RAB11FIP3: variants seen among roughly 807,000 people sequenced by gnomAD.
The protein encoded by RAB11FIP3 is RAB11 family interacting protein 3.
In RAB11FIP3, 17 loss-of-function variants were observed where a neutral mutation model predicts 77.8. The ratio of observed to expected loss-of-function variants is 0.22; its 90% CI spans 0.15 to 0.33. The LOEUF (loss-of-function observed/expected upper bound fraction) is 0.33, where lower values mean the gene tolerates loss of function less well. Ranked by LOEUF, RAB11FIP3 falls within the 10% of genes least tolerant of loss-of-function variation. RAB11FIP3 has a pLI of 1.00. For missense variants in RAB11FIP3, 1,005 were observed against 1,011.2 expected, an observed-to-expected ratio of 0.99 and a Z score of 0.08; for synonymous variants, 437 against 448.2, an observed-to-expected ratio of 0.98 and a Z score of 0.31.
chr16:465,880 C>T (rs1253848156), intron 2 of RAB11FIP3, among the ~76,000 whole-genome samples: 3 of 152,200 alleles, frequency 2.0e-5, no homozygotes, highest in Admixed American at 6.5e-5. Flanking sequence ...GCTGGGATTA[C>T]AGACGTGAGC....
At chr16:431,663 C>T (rs2055039018) in intron 1 of RAB11FIP3, among the ~76,000 whole-genome samples, 2 of 152,112 alleles carry the variant, frequency 1.3e-5, no homozygotes, top group African/African-American at 4.8e-5. Context: ...ATGTGAGCCA[C>T]CGCACCTGGC....
rs549406937 is a variant in RAB11FIP3 at position 508,000 on chromosome 16, T to C, written c.1499+2373T>C. Among the ~76,000 whole-genome samples, 55 of 152,364 alleles carry C rather than the reference T, an allele frequency of 3.6e-4. No homozygotes were observed. The highest frequency in any genetic ancestry group is 2.9e-3 in the South Asian group (14 of 4,830). The stretch of plus-strand genomic sequence containing the variant: ...TAGGAATTCCGAGTGCTTTCTCCTG[T>C]GTTTGATTCCTTATTTTCTGGGTCC... On this transcript the variant is annotated intron_variant, in intron 8 of 13. Transcript: ENST00000262305. This position sits in a 1 kb window ranked among gnomAD's most constrained non-coding sequence, Gnocchi z 4.6.
At chr16:484,582 G>GGCGATCCGCCCGCCTCGGCCTCCCCCTGA (rs2056114200) in intron 4 of RAB11FIP3, among the ~76,000 whole-genome samples, 1 of 151,964 alleles carries the variant, frequency 6.6e-6, no homozygotes, top group African/African-American at 2.4e-5. Flanking sequence ...CCAACCCCTG[G>GGCGATCCGCCCGCCTCGGCCTCCCCCTGA]CCTCAGGCGA....
At chr16:455,624 T>A (rs1238551535) in intron 1 of RAB11FIP3, among the ~76,000 whole-genome samples, 1 of 152,010 alleles carries the variant, frequency 6.6e-6, no homozygotes, top group East Asian at 1.9e-4. Flanking sequence ...GGAGATAGGG[T>A]CTCACTCTGT....
At chr16:446,614 G>A (rs569457766) in intron 1 of RAB11FIP3, among the ~76,000 whole-genome samples, 1 of 152,218 alleles carries the variant, frequency 6.6e-6, no homozygotes, top group African/African-American at 2.4e-5. Context: ...GTGTCCTACA[G>A]AGACATGTTG....
At chr16:488,711 CT>C (rs3079539) in intron 4 of RAB11FIP3, 139 bp from the exon 5 acceptor site, 32,481 of 570,170 alleles carry the variant, frequency 0.057, no homozygotes, top group South Asian at 0.11. Context: ...ATCCAGCCCA[CT>C]TTTTTTTTTT....
At chr16:447,281 G>A (rs575919462) in intron 1 of RAB11FIP3, among the ~76,000 whole-genome samples, 1 of 152,160 alleles carries the variant, frequency 6.6e-6, no homozygotes, top group South Asian at 2.1e-4. Flanking sequence ...CTCTAGCCTG[G>A]GCAGTAGAGT....
intron 1 of RAB11FIP3, among the ~76,000 whole-genome samples, chr16:455,851 A>C (rs2055494844): frequency 6.6e-6 from 1 of 152,296 alleles, no homozygotes; most frequent in African/African-American, 2.4e-5. Flanking sequence ...TTGGCATTTC[A>C]AAATGCTGGA....
Position 426,183 on chromosome 16 carries a change from G to T in RAB11FIP3, c.177G>T (p.Ala59=). 1 of 1,016,006 alleles carries T rather than the reference G, an allele frequency of 9.8e-7. No individual in the cohort carries two copies. The highest frequency in any genetic ancestry group is 1.2e-6 in the Non-Finnish European group (1 of 851,916). 62.9% of individuals were successfully genotyped at this position (1,016,006 alleles called of 1,614,324 possible). Residue 59 remains alanine (A), a synonymous_variant, in exon 1 of 14, where the codon GCG becomes GCT. Coordinates refer to ENST00000262305, the MANE Select transcript of RAB11FIP3 (RefSeq NM_014700.4). This position sits in a 1 kb window ranked among gnomAD's most constrained non-coding sequence, Gnocchi z 5.0. ...AGTCCCCGGGCCTGGATGAGCCTGC[G>T]CCCGGGGCCGCTGCAGATGGCGGGG... ...DPQSPGLDEP[A]PGAAADGGAR... is the part of the protein sequence containing the mutation.
At chr16:440,763 G>C (rs2055211528) in intron 1 of RAB11FIP3, among the ~76,000 whole-genome samples, 1 of 152,180 alleles carries the variant, frequency 6.6e-6, no homozygotes, top group African/African-American at 2.4e-5. Flanking sequence ...CAGCCATGCT[G>C]GGGGATCAGG....
Position 482,603 on chromosome 16 carries a change from A to G in RAB11FIP3, c.982A>G (p.Thr328Ala). The change falls in exon 4 of 14, where the codon ACC becomes GCC. Residue 328 changes from threonine (T) to alanine (A), a missense_variant. Thr to Ala is a moderately conservative substitution (Grantham distance 58). This residue lies in a region of RAB11FIP3 where 433 missense variants were observed against 436.1 expected (regional missense o/e 0.99). Coordinates refer to ENST00000262305, the MANE Select transcript of RAB11FIP3 (RefSeq NM_014700.4). ...GTGTGAGACCTTCACGGACGAGGAC[A>G]CCAGCACCCTGGTGCACCCTGAGCT... ...SECETFTDED[T>A]STLVHPELQP... is the part of the protein sequence containing the mutation. 6.2e-7 allele frequency: 1 copy of G among 1,613,592 alleles called. No homozygotes were observed. The highest frequency in any genetic ancestry group is 2.2e-5 in the East Asian group (1 of 44,880).
chr16:483,873 G>T (rs999622209), intron 4 of RAB11FIP3, among the ~76,000 whole-genome samples: 1 of 151,938 alleles, frequency 6.6e-6, no homozygotes, highest in African/African-American at 2.4e-5. Context: ...GAAGATCTTC[G>T]CATCTGCTTT....
chr16:449,876 G>A (rs962890124), intron 1 of RAB11FIP3, among the ~76,000 whole-genome samples: 7 of 121,678 alleles, frequency 5.8e-5, no homozygotes, highest in East Asian at 2.2e-4. Flanking sequence ...GTTTGAACCC[G>A]GGAAGCAGAG....
intron 4 of RAB11FIP3, 106 bp from the exon 5 acceptor site, chr16:488,745 T>A (rs2029906790): frequency 2.5e-5 from 25 of 997,590 alleles, no homozygotes; most frequent in Admixed American, 3.1e-5. Flanking sequence ...CTCCCAGGAC[T>A]CACGTGTGGC....
At chr16:477,698 G>C (rs534664405) in intron 3 of RAB11FIP3, 1 of 983,762 alleles carries the variant, frequency 1.0e-6, no homozygotes, top group South Asian at 4.7e-5. Flanking sequence ...GTGCTCTCCT[G>C]GTTCTGGATG....
intron 4 of RAB11FIP3, among the ~76,000 whole-genome samples, chr16:488,135 C>CT (rs1191729864): frequency 6.6e-6 from 1 of 152,178 alleles, no homozygotes; most frequent in African/African-American, 2.4e-5. Context: ...AATCCCAACA[C>CT]TTTGGGAGGC....
chr16:429,338 T>A (rs1425823177), intron 1 of RAB11FIP3, among the ~76,000 whole-genome samples: 1 of 152,096 alleles, frequency 6.6e-6, no homozygotes, highest in Non-Finnish European at 1.5e-5. Flanking sequence ...TTAATGATTT[T>A]TTTAAAAACG....
At chr16:520,702 T>C (rs1464292057) in intron 13 of RAB11FIP3, 24 bp from the exon 14 acceptor site, 3 of 1,613,136 alleles carry the variant, frequency 1.9e-6, no homozygotes, top group Non-Finnish European at 2.5e-6. Context: ...GCGCCTCAGC[T>C]CTGACCACCT....
intron 1 of RAB11FIP3, among the ~76,000 whole-genome samples, chr16:427,289 C>T (rs1391332106): frequency 6.6e-6 from 1 of 152,168 alleles, no homozygotes; most frequent in Admixed American, 6.5e-5. Context: ...GTAGAGAGTC[C>T]TGGAATTAAG....
Sources: allele counts gnomAD v4.1 joint callset (sites outside exome capture counted in the v4.1 genomes callset), GRCh38; gene constraint gnomAD v4.1.1; regional missense constraint gnomAD v4.1.1; non-coding constraint Gnocchi (gnomAD v3.1); transcripts MANE v1.5; gene names NCBI Gene and HGNC (gene_info 2026-07-23, HGNC 2026-07-21).